Variants in DGLUCY observed in about 807,000 individuals in gnomAD.
DGLUCY encodes the protein D-glutamate cyclase, mitochondrial.
DGLUCY carries 58 observed loss-of-function variants against 58.5 expected under a neutral mutation model. That is an observed-to-expected ratio of 0.99 (90% CI 0.80 to 1.23). DGLUCY has a LOEUF of 1.23. DGLUCY is among the 50% of genes most tolerant of loss of function. The pLI, the probability that DGLUCY is intolerant of heterozygous loss-of-function variation, is 0.00. For synonymous variants in DGLUCY, 325 were observed against 314.1 expected, an observed-to-expected ratio of 1.03 and a Z score of -0.37; for missense variants, 779 against 784.7, an observed-to-expected ratio of 0.99 and a Z score of 0.09.
intron 10 of DGLUCY, among the ~76,000 whole-genome samples, chr14:91,197,271 A>AT (rs1240615823): frequency 6.6e-6 from 1 of 151,808 alleles, no homozygotes; most frequent in Admixed American, 6.6e-5. Context: ...CTGGCCGCTA[A>AT]TTTTTTTATT....
intron 1 of DGLUCY, among the ~76,000 whole-genome samples, chr14:91,097,054 G>A (rs564505201): frequency 5.9e-5 from 9 of 152,316 alleles, no homozygotes; most frequent in Admixed American, 4.6e-4. Context: ...AGAGATTGGC[G>A]TAAATGGGGA....
In DGLUCY at chr14:91,083,333, C is replaced by G. The variant is rs150923454; in HGVS notation, c.-82+22629C>G. ...GGTCAGGAGTTCGAGACCGGCCTGG[C>G]CAACATGGTGAAACACCATTTATAC... On this transcript the variant is annotated intron_variant, in intron 1 of 4. Coordinates refer to the DGLUCY transcript ENST00000521334. Among the ~76,000 whole-genome samples, 347 of 152,172 alleles carry G rather than the reference C, an allele frequency of 2.3e-3. 2 individuals are homozygous for G. The highest frequency in any genetic ancestry group is 7.8e-3 in the African/African-American group (323 of 41,506).
chr14:91,098,555 C>T (rs1220825423), intron 1 of DGLUCY, among the ~76,000 whole-genome samples: 1 of 152,116 alleles, frequency 6.6e-6, no homozygotes, highest in Non-Finnish European at 1.5e-5. Context: ...GATTTAATTT[C>T]TAATAATGGC....
Position 91,173,311 on chromosome 14 carries a change from A to AT in DGLUCY, c.480dup (p.Ala161CysfsTer32). Reference sequence around the variant, plus strand: ...CAGACAACAGTGCCTTGTGTTACCCATGCTGGCTTCTGCTGCCCTCTGGTG... The same window carrying AT: ...CAGACAACAGTGCCTTGTGTTACCCATTGCTGGCTTCTGCTGCCCTCTGGTG... On this transcript the variant is annotated frameshift_variant, in exon 6 of 14. Coordinates refer to ENST00000256324, the MANE Select transcript of DGLUCY (RefSeq NM_001102368.3). LOFTEE classifies it high-confidence loss of function. 6.2e-7 allele frequency: 1 copy of AT among 1,608,872 alleles called. No individual in the cohort carries two copies. Among genetic ancestry groups the AT allele is most frequent in the East Asian group, 2.2e-5 (1 of 44,744 alleles).
intron 5 of DGLUCY, among the ~76,000 whole-genome samples, chr14:91,172,631 A>T (rs958079176): frequency 1.5e-4 from 22 of 151,094 alleles, no homozygotes; most frequent in Non-Finnish European, 2.4e-4. Context: ...AAGCATGCAT[A>T]TTGTCTCACA....
At chr14:91,198,344 T>G (rs1435466543) in intron 10 of DGLUCY, among the ~76,000 whole-genome samples, 1 of 99,300 alleles carries the variant, frequency 1.0e-5, no homozygotes, top group Non-Finnish European at 1.9e-5. Context: ...GTGCCCAGCC[T>G]TTTTTTTTTT....
intron 1 of DGLUCY, among the ~76,000 whole-genome samples, chr14:91,095,706 A>G (rs1182384180): frequency 6.6e-6 from 1 of 152,052 alleles, no homozygotes; most frequent in Non-Finnish European, 1.5e-5. Context: ...GTGGAAGAAG[A>G]CTCTGCAAAT....
intron 5 of DGLUCY, 110 bp from the exon 6 acceptor site, chr14:91,173,179 A>AGG: frequency 8.6e-7 from 1 of 1,157,434 alleles, no homozygotes; most frequent in Non-Finnish European, 1.3e-6. Flanking sequence ...TTTCTATAAC[A>AGG]GCTACTCCTC....
At chr14:91,077,441 A>G (rs1485293909) in intron 1 of DGLUCY, among the ~76,000 whole-genome samples, 2 of 150,084 alleles carry the variant, frequency 1.3e-5, no homozygotes, top group Admixed American at 6.6e-5. Context: ...GAAGGAAGGA[A>G]GAGAGAGAGA....
chr14:91,080,155 G>A (rs1192124133), intron 1 of DGLUCY, among the ~76,000 whole-genome samples: 1 of 152,090 alleles, frequency 6.6e-6, no homozygotes, highest in African/African-American at 2.4e-5. Context: ...TATGGCTTGT[G>A]TATATATACC....
intron 11 of DGLUCY, among the ~76,000 whole-genome samples, chr14:91,201,995 C>G (rs375517256): frequency 6.6e-5 from 10 of 151,714 alleles, no homozygotes; most frequent in Admixed American, 2.6e-4. Context: ...GTGGAAGTTA[C>G]AGTGAGCCAA....
At chr14:91,097,819 G>A (rs1299570667) in intron 1 of DGLUCY, among the ~76,000 whole-genome samples, 17 of 152,088 alleles carry the variant, frequency 1.1e-4, no homozygotes, top group African/African-American at 2.7e-4. Flanking sequence ...GATTACAGGC[G>A]TGTGCCACCA....
intron 1 of DGLUCY, among the ~76,000 whole-genome samples, chr14:91,079,200 A>G (rs4900067): frequency 0.34 from 51,218 of 151,890 alleles, 9,301 homozygotes; most frequent in African/African-American, 0.48. Context: ...CACCACGCCC[A>G]GCCTTATTTT....
At chr14:91,094,824 A>T (rs1375960812) in intron 1 of DGLUCY, among the ~76,000 whole-genome samples, 3 of 142,564 alleles carry the variant, frequency 2.1e-5, no homozygotes, top group Non-Finnish European at 3.1e-5. Flanking sequence ...ACTCTCTCTC[A>T]AAAAAAAAAA....
At chr14:91,067,583 C>G (rs2043844877) in intron 1 of DGLUCY, among the ~76,000 whole-genome samples, 1 of 151,564 alleles carries the variant, frequency 6.6e-6, no homozygotes, top group South Asian at 2.1e-4. Flanking sequence ...AGGCCTTACT[C>G]TGTTCCACAG....
intron 6 of DGLUCY, 52 bp from the exon 7 acceptor site, chr14:91,175,882 C>G (rs2048824672): frequency 6.2e-7 from 1 of 1,604,144 alleles, no homozygotes; most frequent in Non-Finnish European, 8.5e-7. Context: ...TCAACCAGTT[C>G]TAATTGGATG....
intron 1 of DGLUCY, among the ~76,000 whole-genome samples, chr14:91,062,810 T>C (rs1420401035): frequency 6.6e-6 from 1 of 151,834 alleles, no homozygotes; most frequent in African/African-American, 2.4e-5. Flanking sequence ...CATGACTGCC[T>C]ACTTACTTGT....
rs375680070 is a variant in DGLUCY at position 91,189,048 on chromosome 14, G to A, written c.1073G>A (p.Gly358Asp). 7 of 1,614,016 alleles carry A rather than the reference G, an allele frequency of 4.3e-6. No homozygotes were observed. The highest frequency in any genetic ancestry group is 5.1e-6 in the Non-Finnish European group (6 of 1,180,046). The change falls in exon 9 of 14, where the codon GGC becomes GAC. Residue 358 changes from glycine to aspartate, a missense_variant. Gly to Asp is a moderately conservative substitution (Grantham distance 94). Transcript: ENST00000256324. The stretch of plus-strand genomic sequence containing the variant: ...CATGAGCCTCCAGAAGAGACAGATG[G>A]CCCACCAGGAGCTGTTGCTCTGGTT... The part of the protein sequence containing the change: ...FNHEPPEETD[G>D]PPGAVALVAF...
chr14:91,206,257 G>A (rs982162756), intron 12 of DGLUCY, among the ~76,000 whole-genome samples: 2 of 152,146 alleles, frequency 1.3e-5, no homozygotes, highest in African/African-American at 4.8e-5. Context: ...CTGAGAAGCA[G>A]TAGTGAAGTT....
Sources: gnomAD v4.1 joint callset for allele counts (sites outside exome capture counted in the v4.1 genomes callset) on GRCh38, gnomAD v4.1.1 for gene constraint, MANE v1.5 for transcripts, NCBI Gene and HGNC (gene_info 2026-07-23, HGNC 2026-07-21) for gene names.